TTLL11: variants seen among roughly 807,000 people sequenced by gnomAD.
The protein encoded by TTLL11 is tubulin tyrosine ligase like 11.
A neutral mutation model predicts 51.7 loss-of-function variants in TTLL11; 42 were observed. That is an observed-to-expected ratio of 0.81 (90% CI 0.64 to 1.05). TTLL11 has a LOEUF of 1.05. Ranked by LOEUF, TTLL11 falls within the 50% of genes least tolerant of loss-of-function variation. The pLI is 0.00. For missense variants in TTLL11, 799 were observed against 940.4 expected (o/e 0.85, Z 1.97); for synonymous variants, 381 against 383.5 (o/e 0.99, Z 0.08).
Position 121,917,620 on chromosome 9 carries a change from G to GGGGAGGGAA in TTLL11, c.1482-46881_1482-46873dup, listed in dbSNP as rs1244896537. ...GGAAAGAAGGAAGGGAGGGAGGGAA[G>GGGGAGGGAA]GGGAGGGAAGGGAGGGAAGGGAGGG... On this transcript the variant is annotated intron_variant, in intron 6 of 8. Coordinates refer to ENST00000321582, the MANE Select transcript of TTLL11 (RefSeq NM_001139442.2). Among the ~76,000 whole-genome samples, 796 of 144,516 alleles carry GGGGAGGGAA rather than the reference G, an allele frequency of 5.5e-3. 10 individuals carry two copies. The highest frequency in any genetic ancestry group is 0.02 in the African/African-American group (759 of 38,456). 94.8% of individuals were successfully genotyped at this position (144,516 alleles called of 152,430 possible).
At chr9:121,960,566 C>T (rs1359393462) in intron 6 of TTLL11, among the ~76,000 whole-genome samples, 2 of 152,146 alleles carry the variant, frequency 1.3e-5, no homozygotes, top group African/African-American at 4.8e-5. Flanking sequence ...GCTTCTGCTG[C>T]CTCCTGCACC....
intron 1 of TTLL11, among the ~76,000 whole-genome samples, chr9:122,078,438 G>A (rs1845914815): frequency 6.6e-6 from 1 of 152,148 alleles, no homozygotes; most frequent in Non-Finnish European, 1.5e-5. Context: ...CAAACAAAGG[G>A]AGGGAGCATT....
At chr9:122,013,455 G>A (rs1307978374) in intron 3 of TTLL11, among the ~76,000 whole-genome samples, 1 of 152,212 alleles carries the variant, frequency 6.6e-6, no homozygotes, top group Non-Finnish European at 1.5e-5. Flanking sequence ...CAGTGAAGAA[G>A]AGGAGGAAGG....
intron 6 of TTLL11, among the ~76,000 whole-genome samples, chr9:121,940,288 ACT>A (rs1026296491): frequency 6.8e-6 from 1 of 147,586 alleles, no homozygotes; most frequent in Admixed American, 6.7e-5. Context: ...CATCTCTAAA[ACT>A]CTCTCTCTCC....
At chr9:121,840,108 TA>T (rs36047798) in intron 8 of TTLL11, among the ~76,000 whole-genome samples, 42,791 of 152,022 alleles carry the variant, frequency 0.28, 6,541 homozygotes, top group East Asian at 0.41. Flanking sequence ...CCCAAAACAT[TA>T]ACATGCAAAT....
intron 8 of TTLL11, among the ~76,000 whole-genome samples, chr9:121,849,285 T>G (rs190590302): frequency 3.3e-5 from 5 of 152,262 alleles, no homozygotes; most frequent in Non-Finnish European, 7.4e-5. Context: ...ACGTGTAAAA[T>G]ACAAACTATA....
In TTLL11 at chr9:121,816,518, A is replaced by C. The variant is rs1836409419; in HGVS notation, c.*6069T>G. 1 of 151,736 alleles carries C rather than the reference A, an allele frequency of 6.6e-6. No individual in the cohort carries two copies. Among genetic ancestry groups the C allele is most frequent in the Non-Finnish European group, 1.5e-5 (1 of 67,998 alleles). The allele number at this position is 151,736 out of a possible 1,614,324, so 9.4% of individuals were successfully genotyped here. ...TCGTAATTTTGCCATTTTCTACCAAAGCTCAACGGTGCTCAGTGTGTGTGT... is the reference window on the plus strand; with the variant it reads ...TCGTAATTTTGCCATTTTCTACCAACGCTCAACGGTGCTCAGTGTGTGTGT... On this transcript the variant is annotated 3_prime_UTR_variant, in exon 9 of 9. Transcript: ENST00000321582.
chr9:121,931,601 A>AAG (rs1554770662), intron 6 of TTLL11, among the ~76,000 whole-genome samples: 28 of 146,374 alleles, frequency 1.9e-4, no homozygotes, highest in African/African-American at 6.5e-4. Flanking sequence ...AAAAAAAAAA[A>AAG]AAAAGAAAAG....
At chr9:122,011,433 G>A (rs890111446) in intron 3 of TTLL11, among the ~76,000 whole-genome samples, 1 of 152,050 alleles carries the variant, frequency 6.6e-6, no homozygotes, top group African/African-American at 2.4e-5. Flanking sequence ...CACGATTATA[G>A]CCAGAGCATG....
At chr9:122,012,587 A>G (rs1843832993) in intron 3 of TTLL11, among the ~76,000 whole-genome samples, 1 of 152,124 alleles carries the variant, frequency 6.6e-6, no homozygotes, top group South Asian at 2.1e-4. Flanking sequence ...TGAAGTTTAG[A>G]AAATTAAACA....
chr9:121,949,714 C>T (rs1841791882), intron 6 of TTLL11, among the ~76,000 whole-genome samples: 1 of 151,942 alleles, frequency 6.6e-6, no homozygotes, highest in African/African-American at 2.4e-5. Flanking sequence ...AGCCCTGTTC[C>T]ACTTTTAGAA....
intron 6 of TTLL11, among the ~76,000 whole-genome samples, chr9:121,950,792 C>T (rs1450515153): frequency 3.3e-5 from 5 of 152,192 alleles, no homozygotes; most frequent in Admixed American, 6.5e-5. Context: ...GTCGCCTGGG[C>T]TCCTAACGAC....
intron 4 of TTLL11, among the ~76,000 whole-genome samples, chr9:121,976,919 C>T (rs1008585680): frequency 7.2e-5 from 11 of 152,210 alleles, no homozygotes; most frequent in African/African-American, 2.4e-4. Context: ...GTGACATCAT[C>T]AGTCTAACTC....
chr9:122,008,436 C>T (rs1293645352), intron 3 of TTLL11, among the ~76,000 whole-genome samples: 2 of 152,100 alleles, frequency 1.3e-5, no homozygotes, highest in African/African-American at 4.8e-5. Context: ...AGATATTTGT[C>T]TAAAGAAAAC....
chr9:121,987,835 G>A (rs909980558), intron 4 of TTLL11, among the ~76,000 whole-genome samples: 8 of 150,988 alleles, frequency 5.3e-5, no homozygotes, highest in Admixed American at 2.6e-4. Context: ...CAGTCTTCTC[G>A]TCACCCTCTT....
intron 6 of TTLL11, among the ~76,000 whole-genome samples, chr9:121,893,757 G>C (rs1839347430): frequency 6.6e-6 from 1 of 152,140 alleles, no homozygotes; most frequent in South Asian, 2.1e-4. Context: ...CTACTCAATG[G>C]GCAGTACCCA....
At chr9:121,992,546 A>T (rs958572609) in intron 3 of TTLL11, among the ~76,000 whole-genome samples, 5 of 152,226 alleles carry the variant, frequency 3.3e-5, no homozygotes, top group African/African-American at 1.2e-4. Flanking sequence ...AGACTAAGTG[A>T]ATTAAATAAA....
intron 2 of TTLL11, among the ~76,000 whole-genome samples, chr9:122,033,933 T>C (rs1194773744): frequency 1.3e-5 from 2 of 152,224 alleles, no homozygotes; most frequent in Non-Finnish European, 2.9e-5. Flanking sequence ...TTTCCTTTTA[T>C]TCTCCCTCGA....
At chr9:122,029,281 A>C (rs924859895) in intron 3 of TTLL11, among the ~76,000 whole-genome samples, 14 of 152,198 alleles carry the variant, frequency 9.2e-5, no homozygotes, top group African/African-American at 3.4e-4. Context: ...CTTCTAAAAA[A>C]AAAAGTTGAC....
Sources: allele counts gnomAD v4.1 joint callset (sites outside exome capture counted in the v4.1 genomes callset), GRCh38; gene constraint gnomAD v4.1.1; transcripts MANE v1.5; gene names NCBI Gene and HGNC (gene_info 2026-07-23, HGNC 2026-07-21).